The following SGTA variants were observed in gnomAD, a reference collection of about 807,000 sequenced individuals.
The protein encoded by SGTA is small glutamine-rich tetratricopeptide repeat-containing protein alpha.
In SGTA, 22 loss-of-function variants were observed where a neutral mutation model predicts 44.3. The ratio of observed to expected loss-of-function variants is 0.50; its 90% CI spans 0.36 to 0.71. SGTA has a LOEUF of 0.71. Among genes scored for constraint, SGTA ranks in the 30% least tolerant of loss-of-function variants. SGTA has a pLI of 0.00. For synonymous variants in SGTA, 174 were observed against 177.6 expected (o/e 0.98, Z 0.16); for missense variants, 341 against 435.9 (o/e 0.78, Z 1.94).
chr19:2,782,959 A>G (rs1019251389), intron 1 of SGTA, among the ~76,000 whole-genome samples: 9 of 152,128 alleles, frequency 5.9e-5, no homozygotes, highest in African/African-American at 2.2e-4. Context: ...CGCTCACTAC[A>G]TGCGGGGCGC....
chr19:2,773,723 A>G (rs1246974155), intron 1 of SGTA, among the ~76,000 whole-genome samples: 1 of 54,656 alleles, frequency 1.8e-5, no homozygotes, highest in African/African-American at 1.7e-4. Context: ...TGACGCGGCC[A>G]CACGGCGGGG....
At chr19:2,776,456 A>ATTG (rs1008879950) in intron 1 of SGTA, among the ~76,000 whole-genome samples, 2 of 152,146 alleles carry the variant, frequency 1.3e-5, no homozygotes, top group African/African-American at 4.8e-5. Context: ...AAAGGTACAA[A>ATTG]ACCTGTGTGA....
In SGTA at chr19:2,761,727, C is replaced by T. The variant is rs59720443; in HGVS notation, c.637-205G>A. Among the ~76,000 whole-genome samples the T allele has an allele frequency of 1.1e-4, 15 of 136,030 alleles. No homozygotes were observed. Among genetic ancestry groups the T allele is most frequent in the South Asian group, 4.9e-4 (2 of 4,092 alleles). 89.2% of individuals were successfully genotyped at this position (136,030 alleles called of 152,430 possible). ...TCTGTCATCCCGTGTTTATTCCCCG[C>T]ACAGCGCGACCGCCCGGGGACGGCA... On this transcript the variant is annotated intron_variant, in intron 7 of 11. Transcript: ENST00000221566. This position sits in a 1 kb window ranked among gnomAD's most constrained non-coding sequence, Gnocchi z 5.7.
intron 9 of SGTA, 108 bp from the exon 10 acceptor site, chr19:2,757,890 C>G: frequency 7.1e-6 from 5 of 702,688 alleles, no homozygotes; most frequent in Non-Finnish European, 8.8e-6. Flanking sequence ...TTCACCTTCC[C>G]CTGCAGGAGA....
chr19:2,767,417 G>T lies in SGTA; in HGVS notation c.207+163C>A, dbSNP rs973475762. ...TATGTGTCTCAGGACCCGCCGATAG[G>T]GGGAGGAGGGCCAAGTGCTCCTGCA... On this transcript the variant is annotated intron_variant, in intron 3 of 11. Coordinates refer to ENST00000221566, the MANE Select transcript of SGTA (RefSeq NM_003021.4). The surrounding 1 kb of genome is among the most constrained non-coding windows in gnomAD (Gnocchi z 7.3). Among the ~76,000 whole-genome samples, 6 of 152,198 alleles carry T rather than the reference G, an allele frequency of 3.9e-5. No homozygotes were observed. Among genetic ancestry groups the T allele is most frequent in the Non-Finnish European group, 7.4e-5 (5 of 68,018 alleles).
At position 2,767,649 on chromosome 19, in the gene SGTA, C is replaced by T. The variant is rs774035487; in HGVS notation, c.138G>A (p.Thr46=). Residue 46 remains threonine, a synonymous_variant, in exon 3 of 12, where the codon ACG becomes ACA. Transcript: ENST00000221566. The surrounding 1 kb of genome is among the most constrained non-coding windows in gnomAD (Gnocchi z 7.3). The part of the protein sequence containing the change: ...IQCLETAFGV[T]VEDSDLALPQ... ...GGAGCGCAAGGTCACTGTCTTCTAC[C>T]GTCACCCCAAACGCAGTCTCCAGGC... The T allele has an allele frequency of 1.3e-4, 207 of 1,613,654 alleles. No individual in the cohort carries two copies. Among genetic ancestry groups the T allele is most frequent in the Non-Finnish European group, 1.6e-4 (194 of 1,179,996 alleles).
intron 1 of SGTA, among the ~76,000 whole-genome samples, chr19:2,775,488 G>T (rs1915425803): frequency 6.6e-6 from 1 of 152,262 alleles, no homozygotes; most frequent in Non-Finnish European, 1.5e-5. Flanking sequence ...CACACTGGGT[G>T]TGCCCACAGC....
At chr19:2,777,990 C>A (rs1428855103) in intron 1 of SGTA, 1 of 143,950 alleles carries the variant, frequency 6.9e-6, no homozygotes, top group Admixed American at 7.3e-5. Flanking sequence ...GCACGCCAGT[C>A]TGGGTGACAA....
intron 8 of SGTA, among the ~76,000 whole-genome samples, chr19:2,760,722 C>T (rs1411479091): frequency 2.0e-5 from 3 of 152,028 alleles, no homozygotes; most frequent in Non-Finnish European, 1.5e-5. Context: ...GGCCAGCGGA[C>T]GAGGGCTACA....
At position 2,761,965 on chromosome 19, in the gene SGTA, G is replaced by A. The variant is rs1915008070; in HGVS notation, c.637-443C>T. Among the ~76,000 whole-genome samples the A allele has an allele frequency of 6.6e-6, 1 of 152,180 alleles. No homozygotes were observed. Among genetic ancestry groups the A allele is most frequent in the Non-Finnish European group, 1.5e-5 (1 of 68,022 alleles). Reference sequence around the variant, plus strand: ...CTGTATTCTGCCGCTTTGACACCTTGGGGCCTTGCTGGCCTGGCAGAGCCG... The same window carrying A: ...CTGTATTCTGCCGCTTTGACACCTTAGGGCCTTGCTGGCCTGGCAGAGCCG... On this transcript the variant is annotated intron_variant, in intron 7 of 11. Coordinates refer to ENST00000221566, the MANE Select transcript of SGTA (RefSeq NM_003021.4). The surrounding 1 kb of genome is among the most constrained non-coding windows in gnomAD (Gnocchi z 5.7).
Position 2,757,476 on chromosome 19 carries a change from G to A in SGTA, c.828-19C>T, listed in dbSNP as rs1386218169. The stretch of plus-strand genomic sequence containing the variant: ...CTGGCCCCTGCGGGGAAGGGCACAT[G>A]GGGCTCAGCCAGGGCCAGGAGGCTG... On this transcript the variant is annotated intron_variant, in intron 10 of 11. Coordinates refer to ENST00000221566, the MANE Select transcript of SGTA (RefSeq NM_003021.4). 1 of 1,604,344 alleles carries A rather than the reference G, an allele frequency of 6.2e-7. No homozygotes were observed. The highest frequency in any genetic ancestry group is 1.3e-5 in the African/African-American group (1 of 74,892).
At position 2,755,900 on chromosome 19, in the gene SGTA, C is replaced by T. The variant is rs546205915; in HGVS notation, c.*40G>A. ...GACAACCAGAAGGCTTCCTTCGGGTCGGCCAGGGAAGGACGCGGTCACACC... is the reference window on the plus strand; with the variant it reads ...GACAACCAGAAGGCTTCCTTCGGGTTGGCCAGGGAAGGACGCGGTCACACC... On this transcript the variant is annotated 3_prime_UTR_variant, in exon 12 of 12. Transcript: ENST00000221566. This position sits in a 1 kb window ranked among gnomAD's most constrained non-coding sequence, Gnocchi z 5.2. The T allele has an allele frequency of 8.1e-6, 8 of 985,706 alleles. No homozygotes were observed. The highest frequency in any genetic ancestry group is 6.1e-5 in the Admixed American group (1 of 16,272). 61.1% of individuals were successfully genotyped at this position (985,706 alleles called of 1,614,324 possible).
At chr19:2,758,919 T>C (rs532826583) in intron 9 of SGTA, among the ~76,000 whole-genome samples, 2 of 152,136 alleles carry the variant, frequency 1.3e-5, no homozygotes, top group Middle Eastern at 3.4e-3. Flanking sequence ...TTCTACGAAA[T>C]GTCCAGGACA....
In SGTA at chr19:2,767,543, T is replaced by C; in HGVS notation, c.207+37A>G. On this transcript the variant is annotated intron_variant, in intron 3 of 11. Coordinates refer to ENST00000221566, the MANE Select transcript of SGTA (RefSeq NM_003021.4). This position sits in a 1 kb window ranked among gnomAD's most constrained non-coding sequence, Gnocchi z 7.3. ...GGGCTGCCTGCTGTTGCTGTTCTTA[T>C]TTTGGGGGCAGTGGCTGGGGAAGCA... is the stretch of plus-strand genomic sequence containing the variant. The C allele has an allele frequency of 6.5e-7, 1 of 1,546,790 alleles. No homozygotes were observed. The highest frequency in any genetic ancestry group is 8.9e-7 in the Non-Finnish European group (1 of 1,119,940).
chr19:2,754,837 C>A lies in SGTA; in HGVS notation c.*1103G>T, dbSNP rs1312907086. On this transcript the variant is annotated 3_prime_UTR_variant, in exon 12 of 12. Coordinates refer to ENST00000221566, the MANE Select transcript of SGTA (RefSeq NM_003021.4). The surrounding 1 kb of genome is among the most constrained non-coding windows in gnomAD (Gnocchi z 4.4). ...CGGCCCCCGTTCCTACTGCTACCTA[C>A]GATACACGGTACTGCGCCTACCTCA... is the stretch of plus-strand genomic sequence containing the variant. 1 of 152,288 alleles carries A rather than the reference C, an allele frequency of 6.6e-6. No homozygotes were observed. The highest frequency in any genetic ancestry group is 1.5e-5 in the Non-Finnish European group (1 of 68,122). The allele number at this position is 152,288 out of a possible 1,614,324, so 9.4% of individuals were successfully genotyped here. A position where few individuals can be genotyped will look rare whatever the true frequency, so the allele number is the denominator to read the frequency against.
At chr19:2,772,121 G>A (rs1042171890) in intron 1 of SGTA, among the ~76,000 whole-genome samples, 1 of 152,234 alleles carries the variant, frequency 6.6e-6, no homozygotes, top group Non-Finnish European at 1.5e-5. Flanking sequence ...CAAGACGCAT[G>A]AGGCAAGGGG....
chr19:2,758,155 C>T (rs1472702554), intron 9 of SGTA, among the ~76,000 whole-genome samples: 6 of 152,186 alleles, frequency 3.9e-5, no homozygotes, highest in Non-Finnish European at 8.8e-5. Context: ...CAGCACCCTG[C>T]AGTGCCCAGG....
At chr19:2,772,908 G>A (rs1915350599) in intron 1 of SGTA, among the ~76,000 whole-genome samples, 1 of 87,670 alleles carries the variant, frequency 1.1e-5, no homozygotes. Flanking sequence ...CGGCCACAGG[G>A]CAGGGACACC....
At chr19:2,779,742 C>A (rs529607984) in intron 1 of SGTA, among the ~76,000 whole-genome samples, 1 of 152,204 alleles carries the variant, frequency 6.6e-6, no homozygotes, top group African/African-American at 2.4e-5. Flanking sequence ...CACATCCCAC[C>A]TTTTCATTTT....
Sources: allele counts gnomAD v4.1 joint callset (sites outside exome capture counted in the v4.1 genomes callset), GRCh38; gene constraint gnomAD v4.1.1; non-coding constraint Gnocchi (gnomAD v3.1); transcripts MANE v1.5; gene names NCBI Gene and HGNC (gene_info 2026-07-23, HGNC 2026-07-21).